Variants in ADGRA3 observed in about 807,000 individuals in gnomAD.
ADGRA3 encodes G-protein coupled receptor 125.
A neutral mutation model predicts 119.8 loss-of-function variants in ADGRA3; 56 were observed. That is an observed-to-expected ratio of 0.47 (90% CI 0.38 to 0.58). The LOEUF (loss-of-function observed/expected upper bound fraction) is 0.58, where lower values mean the gene tolerates loss of function less well. Among genes scored for constraint, ADGRA3 ranks in the 20% least tolerant of loss-of-function variants. ADGRA3 has a pLI of 0.00. For synonymous variants in ADGRA3, 607 were observed against 623.8 expected, an observed-to-expected ratio of 0.97 and a Z score of 0.40; for missense variants, 1,516 against 1,649.0, an observed-to-expected ratio of 0.92 and a Z score of 1.40.
At chr4:22,493,283 G>A (rs1007346023) in intron 1 of ADGRA3, among the ~76,000 whole-genome samples, 1 of 152,044 alleles carries the variant, frequency 6.6e-6, no homozygotes, top group Admixed American at 6.6e-5. Context: ...TTCCATTTCG[G>A]TATCTTTTTA....
At chr4:22,414,047 T>C (rs1214143203) in intron 12 of ADGRA3, 1 of 376,608 alleles carries the variant, frequency 2.7e-6, no homozygotes, top group Non-Finnish European at 4.7e-6. Flanking sequence ...GTTAAATAAG[T>C]AAACAAGAAA....
chr4:22,478,925 G>A (rs1428998147), intron 1 of ADGRA3, among the ~76,000 whole-genome samples: 1 of 152,036 alleles, frequency 6.6e-6, no homozygotes, highest in East Asian at 1.9e-4. Context: ...CTTTTTGATT[G>A]TTTTTAAATC....
At position 22,515,904 on chromosome 4, in the gene ADGRA3, G is replaced by A. The variant is rs867684598; in HGVS notation, c.-120C>T. The A allele has an allele frequency of 9.3e-4, 575 of 619,518 alleles. 1 individual carries two copies. The African/African-American group carries it at 0.011, about 11-fold the overall frequency. The allele number at this position is 619,518 out of a possible 1,614,324, so 38.4% of individuals were successfully genotyped here. On this transcript the variant is annotated 5_prime_UTR_variant, in exon 1 of 19. Coordinates refer to ENST00000334304, the MANE Select transcript of ADGRA3 (RefSeq NM_145290.4). ...GGCGACCGGAGCCTTATGGCGGCCG[G>A]AGGACGGGCCTTCCCCGGCGCGGAC...
chr4:22,506,985 C>G (rs1719260387), intron 1 of ADGRA3, among the ~76,000 whole-genome samples: 1 of 152,066 alleles, frequency 6.6e-6, no homozygotes, highest in African/African-American at 2.4e-5. Flanking sequence ...CAGTTGTAAT[C>G]CCAGCACTTT....
At chr4:22,389,021 T>C in intron 18 of ADGRA3, 67 bp downstream of exon 18, 1 of 1,597,322 alleles carries the variant, frequency 6.3e-7, no homozygotes, top group Non-Finnish European at 8.6e-7. Flanking sequence ...CAATCACCTG[T>C]AATGCCTAGA....
intron 11 of ADGRA3, among the ~76,000 whole-genome samples, chr4:22,422,452 T>C (rs1355699545): frequency 6.6e-6 from 1 of 152,298 alleles, no homozygotes; most frequent in East Asian, 1.9e-4. Context: ...CAGTGAAAAG[T>C]CTTTTTAATT....
At chr4:22,470,877 ACT>A (rs1717836352) in intron 2 of ADGRA3, among the ~76,000 whole-genome samples, 1 of 152,082 alleles carries the variant, frequency 6.6e-6, no homozygotes, top group South Asian at 2.1e-4. Flanking sequence ...GTCCCTGGGG[ACT>A]CTGAGGCCAG....
chr4:22,391,723 C>A (rs1714141785), intron 17 of ADGRA3, among the ~76,000 whole-genome samples: 1 of 152,210 alleles, frequency 6.6e-6, no homozygotes, highest in African/African-American at 2.4e-5. Context: ...TCAAAGCCAA[C>A]TTTCATCCTG....
chr4:22,488,472 C>G (rs1238762202), intron 1 of ADGRA3, among the ~76,000 whole-genome samples: 1 of 152,182 alleles, frequency 6.6e-6, no homozygotes, highest in Non-Finnish European at 1.5e-5. Flanking sequence ...GCCTACAGCA[C>G]CAGGCTTCAG....
intron 4 of ADGRA3, among the ~76,000 whole-genome samples, chr4:22,450,930 A>G (rs1717011431): frequency 2.2e-5 from 1 of 46,438 alleles, no homozygotes. Flanking sequence ...ATTTCTGGAT[A>G]TAACAGAAAA....
At chr4:22,490,967 G>A (rs1577380041) in intron 1 of ADGRA3, among the ~76,000 whole-genome samples, 1 of 152,150 alleles carries the variant, frequency 6.6e-6, no homozygotes, top group South Asian at 2.1e-4. Context: ...GATACCAATA[G>A]TGAGGGTGTT....
At chr4:22,487,148 A>G (rs906394841) in intron 1 of ADGRA3, among the ~76,000 whole-genome samples, 2 of 152,184 alleles carry the variant, frequency 1.3e-5, no homozygotes, top group African/African-American at 2.4e-5. Flanking sequence ...TTCCTCTAAC[A>G]TGTTTTCACT....
Position 22,392,630 on chromosome 4 carries a change from G to A in ADGRA3, c.2542C>T (p.Arg848Ter), listed in dbSNP as rs1714182212. Residue 848 changes from arginine to a stop codon, truncating the protein, a stop_gained, in exon 17 of 19, where the codon CGA becomes TGA. Transcript: ENST00000334304. LOFTEE classifies it high-confidence loss of function. Reference protein sequence around the residue: ...ATVLWVGVTARNIYKQVTKKA... With the variant: ...ATVLWVGVTA ...TTAGTGACTTGTTTGTAGATATTTC[G>A]AGCTGTCACTCCTACCCATAGTACT... 5 of 1,613,678 alleles carry A rather than the reference G, an allele frequency of 3.1e-6. No homozygotes were observed. Among genetic ancestry groups the A allele is most frequent in the African/African-American group, 1.3e-5 (1 of 74,958 alleles).
At chr4:22,430,695 C>G (rs6854785) in intron 10 of ADGRA3, among the ~76,000 whole-genome samples, 100,583 of 151,350 alleles carry the variant, frequency 0.66, 34,175 homozygotes, top group Non-Finnish European at 0.74. Context: ...GAAATTCCAG[C>G]GGGCTGCAGA....
At chr4:22,437,169 T>C (rs1716428495) in intron 8 of ADGRA3, among the ~76,000 whole-genome samples, 1 of 152,320 alleles carries the variant, frequency 6.6e-6, no homozygotes, top group Non-Finnish European at 1.5e-5. Flanking sequence ...CCAAATATCA[T>C]ATATTTCACT....
intron 2 of ADGRA3, among the ~76,000 whole-genome samples, chr4:22,465,608 A>G (rs186623201): frequency 6.8e-4 from 104 of 152,308 alleles, no homozygotes; most frequent in African/African-American, 2.4e-3. Context: ...GTTGGTGTCT[A>G]TCACTTATCA....
chr4:22,394,661 G>C (rs539412462), intron 16 of ADGRA3: 78 of 152,276 alleles, frequency 5.1e-4, no homozygotes, highest in African/African-American at 1.8e-3. Flanking sequence ...GAATGAGGTA[G>C]GGCTCTAAAA....
rs946124537 is a variant in ADGRA3 at position 22,426,846 on chromosome 4, A to T, written c.1444-2494T>A. On this transcript the variant is annotated intron_variant, in intron 10 of 18. Transcript: ENST00000334304. ...CAGTTGGTTCATTTTTTTATGATTCATTGGAACATTAGCATCCTAGTTCAT... is the reference window on the plus strand; with the variant it reads ...CAGTTGGTTCATTTTTTTATGATTCTTTGGAACATTAGCATCCTAGTTCAT... Among the ~76,000 whole-genome samples, 5 of 152,202 alleles carry T rather than the reference A, an allele frequency of 3.3e-5. No individual in the cohort carries two copies. In the South Asian group the frequency reaches 6.2e-4, roughly 19 times the overall value.
At chr4:22,514,253 C>T (rs189351930) in intron 1 of ADGRA3, among the ~76,000 whole-genome samples, 1 of 152,246 alleles carries the variant, frequency 6.6e-6, no homozygotes, top group Admixed American at 6.5e-5. Flanking sequence ...TTCAAAGAAT[C>T]TGACTAAGAA....
Sources: gnomAD v4.1 joint callset for allele counts (sites outside exome capture counted in the v4.1 genomes callset) on GRCh38, gnomAD v4.1.1 for gene constraint, MANE v1.5 for transcripts, NCBI Gene and HGNC (gene_info 2026-07-23, HGNC 2026-07-21) for gene names.